The following PPARGC1B variants were observed in gnomAD, a reference collection of about 807,000 sequenced individuals.
The protein encoded by PPARGC1B is peroxisome proliferator-activated receptor gamma coactivator 1-beta.
Under a neutral mutation model 101.6 loss-of-function variants are expected in PPARGC1B, and 34 were observed. The observed-to-expected ratio is 0.33, with a 90% CI of 0.25 to 0.45. The LOEUF (loss-of-function observed/expected upper bound fraction) is 0.45, where lower values mean the gene tolerates loss of function less well. Among genes scored for constraint, PPARGC1B ranks in the 20% least tolerant of loss-of-function variants. The probability of loss-of-function intolerance (pLI) is 1.00; values close to 1 mark genes in which losing one functional copy is unlikely to be tolerated. For synonymous variants in PPARGC1B, 548 were observed against 539.3 expected (o/e 1.02, Z -0.22); for missense variants, 1,234 against 1,317.6 (o/e 0.94, Z 0.98).
intron 1 of PPARGC1B, among the ~76,000 whole-genome samples, chr5:149,812,617 C>A (rs952690787): frequency 1.3e-5 from 2 of 152,236 alleles, no homozygotes; most frequent in Admixed American, 1.3e-4. Context: ...GAATCTATCT[C>A]TGTCTGTTTC....
intron 1 of PPARGC1B, among the ~76,000 whole-genome samples, chr5:149,793,336 TATC>T (rs1403132642): frequency 6.6e-6 from 1 of 152,152 alleles, no homozygotes; most frequent in Non-Finnish European, 1.5e-5. Context: ...GAGGTGATTC[TATC>T]ATCAAGTCCC....
Position 149,847,704 on chromosome 5 carries a change from T to TA in PPARGC1B, c.*160dup, listed in dbSNP as rs77950425. On this transcript the variant is annotated 3_prime_UTR_variant, in exon 12 of 12. Transcript: ENST00000309241. Reference sequence around the variant, plus strand: ...AGAGAGACTTGAAACTGCTGTCCTTTAAAAAAAAAAAAAATCAATGTTTAC... The same window carrying TA: ...AGAGAGACTTGAAACTGCTGTCCTTTAAAAAAAAAAAAAAATCAATGTTTAC... The TA allele has an allele frequency of 0.095, 46,017 of 485,508 alleles. 381 individuals are homozygous for TA. The highest frequency in any genetic ancestry group is 0.19 in the Admixed American group (5,586 of 29,706). The allele number at this position is 485,508 out of a possible 1,614,324, so 30.1% of individuals were successfully genotyped here.
At chr5:149,809,167 ATCTCTAC>A in intron 1 of PPARGC1B, among the ~76,000 whole-genome samples, 1 of 120,278 alleles carries the variant, frequency 8.3e-6, no homozygotes, top group Non-Finnish European at 1.7e-5. Context: ...AGATAGATCC[ATCTCTAC>A]CATAGATAGA....
At chr5:149,771,900 T>A (rs1223248051) in intron 1 of PPARGC1B, 1 of 799,454 alleles carries the variant, frequency 1.3e-6, no homozygotes, top group Non-Finnish European at 1.8e-6. Context: ...GTTTAAGTGA[T>A]GTCACTGAAC....
intron 1 of PPARGC1B, among the ~76,000 whole-genome samples, chr5:149,753,732 C>T (rs534642970): frequency 6.2e-4 from 93 of 150,960 alleles, no homozygotes; most frequent in African/African-American, 2.1e-3. Flanking sequence ...CTTGCTTTGT[C>T]GCCCAGGTTG....
intron 1 of PPARGC1B, among the ~76,000 whole-genome samples, chr5:149,818,621 G>A (rs981018539): frequency 2.0e-5 from 3 of 152,216 alleles, no homozygotes; most frequent in Non-Finnish European, 2.9e-5. Flanking sequence ...ATGAGGCCTA[G>A]TAAGTGGGAA....
chr5:149,857,289 C>T (rs1447557078), downstream of PPARGC1B, among the ~76,000 whole-genome samples: 2 of 152,246 alleles, frequency 1.3e-5, no homozygotes, highest in Non-Finnish European at 2.9e-5. Context: ...CCTCATTCAG[C>T]TCAGTCTCAT....
chr5:149,775,242 A>G (rs1756311261), intron 1 of PPARGC1B, among the ~76,000 whole-genome samples: 1 of 152,176 alleles, frequency 6.6e-6, no homozygotes, highest in South Asian at 2.1e-4. Flanking sequence ...TTTTCTGTGG[A>G]TCTGGAGAGG....
intron 6 of PPARGC1B, among the ~76,000 whole-genome samples, 164 bp from the exon 7 acceptor site, chr5:149,835,137 C>T (rs995700964): frequency 2.0e-5 from 3 of 152,236 alleles, no homozygotes; most frequent in African/African-American, 7.2e-5. Context: ...CCTCTAACAG[C>T]CGGGATGGGG....
In PPARGC1B at chr5:149,833,536, C is replaced by A. The variant is rs753410582; in HGVS notation, c.1463C>A (p.Pro488His). The A allele has an allele frequency of 5.1e-6, 8 of 1,574,764 alleles. No individual in the cohort carries two copies. In the African/African-American group the frequency reaches 1.1e-4, roughly 21 times the overall value. Residue 488 changes from proline to histidine, a missense_variant, in exon 5 of 12, where the codon CCC (proline) becomes CAC (histidine). By Grantham distance (77) the Pro-to-His change is moderately conservative. Transcript: ENST00000309241. This position sits in a 1 kb window ranked among gnomAD's most constrained non-coding sequence, Gnocchi z 4.1. ...RSRRLNPELG[P>H]WLTFADEPLV... ...CGGAGACTGAACCCTGAGCTGGGCC[C>A]CTGGCTGACATTTGCAGATGAGCCG...
intron 1 of PPARGC1B, among the ~76,000 whole-genome samples, chr5:149,751,359 T>C (rs148200630): frequency 6.6e-6 from 1 of 152,328 alleles, no homozygotes; most frequent in African/African-American, 2.4e-5. Context: ...AAAAATGATA[T>C]GCATTAATTT....
rs1256711686 is a variant in PPARGC1B at position 149,852,791 on chromosome 5, C to T, written c.*5233C>T. 6.6e-6 allele frequency: 1 copy of T among 150,612 alleles called. No homozygotes were observed. Among genetic ancestry groups the T allele is most frequent in the African/African-American group, 2.4e-5 (1 of 40,836 alleles). The allele number at this position is 150,612 out of a possible 1,614,324, so 9.3% of individuals were successfully genotyped here. ...AATGATTGTAAAACATATGGGGCAA[C>T]AGGAGGCATTGATCGCGCTGCATAT... On this transcript the variant is annotated 3_prime_UTR_variant, in exon 12 of 12. Transcript: ENST00000309241.
At chr5:149,756,186 G>T (rs1755514586) in intron 1 of PPARGC1B, among the ~76,000 whole-genome samples, 1 of 152,164 alleles carries the variant, frequency 6.6e-6, no homozygotes, top group Admixed American at 6.5e-5. Context: ...TCTTGACAGG[G>T]TGTGGAGGCT....
chr5:149,773,884 G>A (rs1479733886), intron 1 of PPARGC1B, among the ~76,000 whole-genome samples: 1 of 152,080 alleles, frequency 6.6e-6, no homozygotes, highest in Non-Finnish European at 1.5e-5. Flanking sequence ...GGGACTGTGG[G>A]CGGGGCTCAG....
intron 6 of PPARGC1B, among the ~76,000 whole-genome samples, 173 bp downstream of exon 6, chr5:149,834,883 G>C (rs947263726): frequency 3.3e-5 from 5 of 152,178 alleles, no homozygotes; most frequent in Admixed American, 3.3e-4. Flanking sequence ...GAAGGGAGTT[G>C]GTGTTTAGAA....
intron 6 of PPARGC1B, 34 bp from the exon 7 acceptor site, chr5:149,835,267 C>G: frequency 6.2e-7 from 1 of 1,609,982 alleles, no homozygotes; most frequent in East Asian, 2.2e-5. Flanking sequence ...TGCTGACTTG[C>G]TTCTTTCCTT....
At chr5:149,810,183 G>A (rs1003180163) in intron 1 of PPARGC1B, among the ~76,000 whole-genome samples, 2 of 152,256 alleles carry the variant, frequency 1.3e-5, no homozygotes, top group Non-Finnish European at 2.9e-5. Context: ...ACTCTCCTTT[G>A]AATTCAAGAG....
chr5:149,821,616 C>T (rs1758298352), intron 2 of PPARGC1B, among the ~76,000 whole-genome samples: 1 of 152,238 alleles, frequency 6.6e-6, no homozygotes, highest in Non-Finnish European at 1.5e-5. Context: ...ACCACAATAA[C>T]ATCGCGTGTG....
intron 1 of PPARGC1B, among the ~76,000 whole-genome samples, chr5:149,754,875 G>A (rs574490840): frequency 3.4e-5 from 5 of 147,716 alleles, no homozygotes; most frequent in African/African-American, 7.6e-5. Flanking sequence ...TCTGCCTCCC[G>A]GGTTCAAGCA....
Sources: allele counts gnomAD v4.1 joint callset (sites outside exome capture counted in the v4.1 genomes callset), GRCh38; gene constraint gnomAD v4.1.1; non-coding constraint Gnocchi (gnomAD v3.1); transcripts MANE v1.5; gene names NCBI Gene and HGNC (gene_info 2026-07-23, HGNC 2026-07-21).